HIPK2: variants seen among roughly 807,000 people sequenced by gnomAD.
HIPK2 encodes homeodomain-interacting protein kinase 2.
A neutral mutation model predicts 113.7 loss-of-function variants in HIPK2; 27 were observed. That is an observed-to-expected ratio of 0.24 (90% CI 0.17 to 0.33). The LOEUF (loss-of-function observed/expected upper bound fraction) is 0.33, where lower values mean the gene tolerates loss of function less well. Ranked by LOEUF, HIPK2 falls within the 10% of genes least tolerant of loss-of-function variation. The probability of loss-of-function intolerance (pLI) is 1.00; values close to 1 mark genes in which losing one functional copy is unlikely to be tolerated. For missense variants in HIPK2, 1,257 were observed against 1,588.0 expected (o/e 0.79, Z 3.54); for synonymous variants, 631 against 642.2 (o/e 0.98, Z 0.26).
chr7:139,732,922 G>A (rs1795838403), intron 1 of HIPK2, among the ~76,000 whole-genome samples: 2 of 151,786 alleles, frequency 1.3e-5, no homozygotes, highest in South Asian at 4.2e-4. Flanking sequence ...AGTGTTGGAG[G>A]TGGGGCCTGG....
At position 139,631,218 on chromosome 7, in the gene HIPK2, T is replaced by C. The variant is rs749441703; in HGVS notation, c.1294A>G (p.Thr432Ala). ...TCCGTGTCACGGTTGAAAAACCTAG[T>C]TGTCTTTGTCCCGGCGCTTAATAAA... The part of the protein sequence containing the change: ...EYLLSAGTKT[T>A]RFFNRDTDSP... The change falls in exon 4 of 15, where the codon ACT becomes GCT. Residue 432 changes from threonine to alanine, a missense_variant. Thr to Ala is a moderately conservative substitution (Grantham distance 58). Transcript: ENST00000406875. The surrounding 1 kb of genome is among the most constrained non-coding windows in gnomAD (Gnocchi z 4.9). The C allele has an allele frequency of 4.3e-6, 7 of 1,613,706 alleles. No homozygotes were observed. Among genetic ancestry groups the C allele is most frequent in the East Asian group, 4.5e-5 (2 of 44,890 alleles).
At chr7:139,590,338 AATG>A (rs1382434662) in intron 12 of HIPK2, among the ~76,000 whole-genome samples, 1 of 152,212 alleles carries the variant, frequency 6.6e-6, no homozygotes, top group African/African-American at 2.4e-5. Flanking sequence ...ATCATTTCAA[AATG>A]ATGAAAATAA....
chr7:139,633,002 G>A (rs1171725043), intron 2 of HIPK2, among the ~76,000 whole-genome samples: 1 of 151,176 alleles, frequency 6.6e-6, no homozygotes, highest in East Asian at 1.9e-4. Context: ...AGGCTGAGGC[G>A]GGAGGATTGC....
chr7:139,669,897 T>C (rs1186911735), intron 2 of HIPK2, among the ~76,000 whole-genome samples: 2 of 152,196 alleles, frequency 1.3e-5, no homozygotes, highest in African/African-American at 2.4e-5. Context: ...AGAGTACCCA[T>C]GGATGAATTT....
chr7:139,764,110 T>C (rs1245473892), intron 1 of HIPK2, among the ~76,000 whole-genome samples: 1 of 152,226 alleles, frequency 6.6e-6, no homozygotes, highest in Non-Finnish European at 1.5e-5. Flanking sequence ...ATGAGTTTGA[T>C]GTTAATCAAA....
intron 2 of HIPK2, among the ~76,000 whole-genome samples, chr7:139,684,722 T>TA (rs1303035303): frequency 2.0e-5 from 3 of 152,000 alleles, no homozygotes; most frequent in African/African-American, 4.8e-5. Flanking sequence ...CTTAATAACA[T>TA]AAAAAAAGCT....
At chr7:139,641,017 G>A (rs183109159) in intron 2 of HIPK2, among the ~76,000 whole-genome samples, 1 of 152,216 alleles carries the variant, frequency 6.6e-6, no homozygotes, top group African/African-American at 2.4e-5. Context: ...TACACAAAAA[G>A]CTGAAAAGAT....
In HIPK2 at chr7:139,631,514, T is replaced by C; in HGVS notation, c.1227+88A>G. ...ACGTGACATTCCACAGTCCCGCCCA[T>C]TTGTCATGTAATCAATGAAATGCTA... On this transcript the variant is annotated intron_variant, in intron 3 of 14. Transcript: ENST00000406875. This position sits in a 1 kb window ranked among gnomAD's most constrained non-coding sequence, Gnocchi z 4.9. The C allele has an allele frequency of 6.4e-7, 1 of 1,554,506 alleles. No individual in the cohort carries two copies. Among genetic ancestry groups the C allele is most frequent in the Non-Finnish European group, 8.7e-7 (1 of 1,149,282 alleles).
At chr7:139,737,558 C>T (rs1795972965) in intron 1 of HIPK2, among the ~76,000 whole-genome samples, 2 of 152,162 alleles carry the variant, frequency 1.3e-5, no homozygotes, top group Admixed American at 1.3e-4. Context: ...TCGCTAGAAG[C>T]CCACCTTTCT....
At chr7:139,612,267 C>T (rs536503521) in intron 9 of HIPK2, among the ~76,000 whole-genome samples, 53 of 152,170 alleles carry the variant, frequency 3.5e-4, no homozygotes, top group African/African-American at 1.2e-3. Flanking sequence ...CAAGACAGGA[C>T]AAATAGTGTC....
At chr7:139,573,686 C>CA (rs1798391276) in intron 14 of HIPK2, among the ~76,000 whole-genome samples, 1 of 151,802 alleles carries the variant, frequency 6.6e-6, no homozygotes, top group Non-Finnish European at 1.5e-5. Context: ...TACTAAAATA[C>CA]AAAAAAATTA....
rs538173676 is a variant in HIPK2, at chr7:139,574,437, T to C, written c.3126+691A>G. On this transcript the variant is annotated intron_variant, in intron 14 of 14. Transcript: ENST00000406875. ...TGAAGTTCTGTCAGTCCAAATAAAA[T>C]AGCCCTCTTCTACCTGGTGAACCTA... Among the ~76,000 whole-genome samples, 3 of 152,178 alleles carry C rather than the reference T, an allele frequency of 2.0e-5. No homozygotes were observed. In the South Asian group the frequency reaches 6.2e-4, roughly 32 times the overall value.
intron 9 of HIPK2, among the ~76,000 whole-genome samples, chr7:139,611,807 T>C (rs1293583697): frequency 1.3e-5 from 2 of 152,082 alleles, no homozygotes; most frequent in Non-Finnish European, 2.9e-5. Context: ...GCCTCCTGAG[T>C]AGCTGAGACT....
chr7:139,584,888 G>A (rs1798786070), intron 12 of HIPK2, among the ~76,000 whole-genome samples: 1 of 152,196 alleles, frequency 6.6e-6, no homozygotes, highest in African/African-American at 2.4e-5. Flanking sequence ...CTTATATGTG[G>A]AACTTCATAC....
chr7:139,624,749 A>T (rs1800366087), intron 6 of HIPK2, among the ~76,000 whole-genome samples: 1 of 152,182 alleles, frequency 6.6e-6, no homozygotes, highest in Admixed American at 6.5e-5. Context: ...GGCTAGCCTC[A>T]TCAGCTTCCT....
chr7:139,681,839 C>G (rs1339401707), intron 2 of HIPK2, among the ~76,000 whole-genome samples: 1 of 152,192 alleles, frequency 6.6e-6, no homozygotes, highest in Admixed American at 6.5e-5. Context: ...GTTCTCTGAG[C>G]TGGAATCTTC....
chr7:139,717,811 C>T (rs1382188933), intron 1 of HIPK2, among the ~76,000 whole-genome samples: 1 of 152,102 alleles, frequency 6.6e-6, no homozygotes, highest in Non-Finnish European at 1.5e-5. Flanking sequence ...ATGGCATGAT[C>T]TCGGCTCACT....
At chr7:139,738,012 G>C (rs556979248) in intron 1 of HIPK2, among the ~76,000 whole-genome samples, 1 of 152,204 alleles carries the variant, frequency 6.6e-6, no homozygotes, top group Non-Finnish European at 1.5e-5. Context: ...CTGCACATGA[G>C]TTAGAGAAAG....
intron 1 of HIPK2, among the ~76,000 whole-genome samples, chr7:139,751,734 T>G (rs371299574): frequency 3.3e-5 from 5 of 152,116 alleles, no homozygotes; most frequent in African/African-American, 1.2e-4. Flanking sequence ...AATTAATGAC[T>G]AAGGGCTTGA....
Sources: allele counts gnomAD v4.1 joint callset (sites outside exome capture counted in the v4.1 genomes callset), GRCh38; gene constraint gnomAD v4.1.1; non-coding constraint Gnocchi (gnomAD v3.1); transcripts MANE v1.5; gene names NCBI Gene and HGNC (gene_info 2026-07-23, HGNC 2026-07-21).